PHACTR1: variants seen among roughly 807,000 people sequenced by gnomAD.
PHACTR1 encodes the protein RPEL repeat containing 1.
A neutral mutation model predicts 69.2 loss-of-function variants in PHACTR1; 16 were observed. That is an observed-to-expected ratio of 0.23 (90% confidence interval 0.16 to 0.35). PHACTR1 has a LOEUF of 0.35. Among genes scored for constraint, PHACTR1 ranks in the 10% least tolerant of loss-of-function variants. PHACTR1 has a pLI of 1.00. For missense variants in PHACTR1, 510 were observed against 734.7 expected (o/e 0.69, Z 3.54); for synonymous variants, 312 against 284.5 (o/e 1.10, Z -0.97).
chr6:13,099,353 T>C (rs1487826974), intron 5 of PHACTR1, among the ~76,000 whole-genome samples: 1 of 152,238 alleles, frequency 6.6e-6, no homozygotes, highest in Non-Finnish European at 1.5e-5. Flanking sequence ...TGTTGAGTCT[T>C]ACACATTCCT....
At chr6:13,218,381 C>T (rs1223136349) in intron 8 of PHACTR1, among the ~76,000 whole-genome samples, 1 of 152,140 alleles carries the variant, frequency 6.6e-6, no homozygotes, top group Non-Finnish European at 1.5e-5. Context: ...AAAGGGAGTG[C>T]CTCTTATAAT....
chr6:12,914,652 C>A (rs1479972592), intron 4 of PHACTR1, among the ~76,000 whole-genome samples: 1 of 152,048 alleles, frequency 6.6e-6, no homozygotes, highest in Non-Finnish European at 1.5e-5. Context: ...TCAATAAGGA[C>A]CACCATCCAC....
intron 12 of PHACTR1, chr6:13,280,155 T>A (rs1352559986): frequency 6.6e-6 from 1 of 152,192 alleles, no homozygotes; most frequent in Non-Finnish European, 1.5e-5. Flanking sequence ...AGTCTTCCTT[T>A]CCACACCCAT....
chr6:13,232,767 G>A (rs1320231387), intron 10 of PHACTR1, among the ~76,000 whole-genome samples: 1 of 151,906 alleles, frequency 6.6e-6, no homozygotes, highest in Admixed American at 6.5e-5. Flanking sequence ...GTTGGGGTGG[G>A]TGGGTGTGGT....
intron 3 of PHACTR1, among the ~76,000 whole-genome samples, chr6:12,737,420 C>T (rs560754093): frequency 1.3e-5 from 2 of 151,436 alleles, no homozygotes; most frequent in South Asian, 4.2e-4. Flanking sequence ...CACACACACA[C>T]GCATGCACAC....
At position 12,959,845 on chromosome 6, in the gene PHACTR1, C is replaced by A. The variant is rs75269390; in HGVS notation, c.251-93520C>A. Among the ~76,000 whole-genome samples the A allele has an allele frequency of 4.6e-5, 7 of 152,334 alleles. No homozygotes were observed. The East Asian group carries it at 1.2e-3, about 25-fold the overall frequency. On this transcript the variant is annotated intron_variant, in intron 4 of 14. Coordinates refer to ENST00000332995, the MANE Select transcript of PHACTR1 (RefSeq NM_030948.6). Reference sequence around the variant, plus strand: ...TCCTCTGCATAGATCATGGTGCCCACATTTTCTATATCAAGGACCAGGACT... The same window carrying A: ...TCCTCTGCATAGATCATGGTGCCCAAATTTTCTATATCAAGGACCAGGACT...
intron 4 of PHACTR1, among the ~76,000 whole-genome samples, chr6:12,891,188 G>A (rs1305598661): frequency 6.6e-6 from 1 of 152,014 alleles, no homozygotes; most frequent in Non-Finnish European, 1.5e-5. Context: ...TTCTTGGGGG[G>A]ATAATATCAC....
rs561841357 is a variant in PHACTR1, at chr6:13,030,936, G to A, written c.251-22429G>A. 4.6e-5 allele frequency among the ~76,000 whole-genome samples: 7 copies of A among 152,270 alleles called. No individual in the cohort carries two copies. In the East Asian group the frequency reaches 1.2e-3, roughly 25 times the overall value. On this transcript the variant is annotated intron_variant, in intron 4 of 14. Coordinates refer to ENST00000332995, the MANE Select transcript of PHACTR1 (RefSeq NM_030948.6). ...ATTCTTTACTATGGAAGACTGTCTGGTGCATTGCAGGATGTTCAGCAGTAT... is the reference window on the plus strand; with the variant it reads ...ATTCTTTACTATGGAAGACTGTCTGATGCATTGCAGGATGTTCAGCAGTAT...
At chr6:13,209,013 C>T (rs1766381228) in intron 8 of PHACTR1, among the ~76,000 whole-genome samples, 2 of 152,106 alleles carry the variant, frequency 1.3e-5, no homozygotes, top group Non-Finnish European at 2.9e-5. Flanking sequence ...ATAGGGTTGT[C>T]CTAACAGACC....
intron 4 of PHACTR1, among the ~76,000 whole-genome samples, chr6:12,790,371 C>G (rs1561884993): frequency 6.6e-6 from 1 of 152,172 alleles, no homozygotes; most frequent in African/African-American, 2.4e-5. Context: ...AGGCTTTTCA[C>G]TTTTGTTCCC....
intron 6 of PHACTR1, among the ~76,000 whole-genome samples, chr6:13,160,708 T>C (rs1426909611): frequency 1.3e-5 from 2 of 152,178 alleles, no homozygotes; most frequent in Admixed American, 6.5e-5. Context: ...TGTTTGTTTG[T>C]TTGTTTGCTT....
At chr6:13,286,325 G>A in intron 14 of PHACTR1, 103 bp downstream of exon 14, 3 of 933,874 alleles carry the variant, frequency 3.2e-6, no homozygotes, top group Non-Finnish European at 4.7e-6. Context: ...GTTGGAGGGT[G>A]CCATGAGAGG....
intron 4 of PHACTR1, among the ~76,000 whole-genome samples, chr6:13,022,325 T>C (rs1453967821): frequency 6.6e-6 from 1 of 152,188 alleles, no homozygotes; most frequent in African/African-American, 2.4e-5. Flanking sequence ...TAAAATGAAT[T>C]TACTTCCATT....
At chr6:12,776,466 G>A (rs1770076561) in intron 4 of PHACTR1, among the ~76,000 whole-genome samples, 1 of 152,170 alleles carries the variant, frequency 6.6e-6, no homozygotes, top group South Asian at 2.1e-4. Flanking sequence ...CTGGTGATCT[G>A]AATGCCACCA....
At position 13,018,677 on chromosome 6, in the gene PHACTR1, A is replaced by G. The variant is rs564563249; in HGVS notation, c.251-34688A>G. Among the ~76,000 whole-genome samples the G allele has an allele frequency of 1.4e-4, 22 of 152,250 alleles. No homozygotes were observed. In the East Asian group the frequency reaches 4.3e-3, roughly 29 times the overall value. On this transcript the variant is annotated intron_variant, in intron 4 of 14. Coordinates refer to ENST00000332995, the MANE Select transcript of PHACTR1 (RefSeq NM_030948.6). ...AACATATATTTCTAACAAGACAAAT[A>G]AGGTAAGGGTCAGACTGAGGACAGA... is the stretch of plus-strand genomic sequence containing the variant.
intron 4 of PHACTR1, among the ~76,000 whole-genome samples, chr6:12,781,412 A>T (rs573187627): frequency 9.2e-5 from 14 of 152,230 alleles, no homozygotes; most frequent in Non-Finnish European, 2.1e-4. Flanking sequence ...GCCATTTTCA[A>T]ATCAGTGCCT....
At chr6:12,943,429 C>T (rs1387523042) in intron 4 of PHACTR1, among the ~76,000 whole-genome samples, 6 of 152,168 alleles carry the variant, frequency 3.9e-5, no homozygotes, top group Admixed American at 1.3e-4. Flanking sequence ...TATAGCACTA[C>T]GTAGTGTCGA....
intron 7 of PHACTR1, among the ~76,000 whole-genome samples, chr6:13,202,444 C>G (rs563075444): frequency 4.6e-4 from 70 of 151,096 alleles, no homozygotes; most frequent in African/African-American, 1.7e-3. Context: ...TCCTTAACAC[C>G]TCAGGACATA....
chr6:12,954,846 A>G (rs535949319), intron 4 of PHACTR1, among the ~76,000 whole-genome samples: 1 of 152,302 alleles, frequency 6.6e-6, no homozygotes, highest in African/African-American at 2.4e-5. Flanking sequence ...GGATAGACAA[A>G]TTTGTTCCCC....
Sources: gnomAD v4.1 joint callset for allele counts (sites outside exome capture counted in the v4.1 genomes callset) on GRCh38, gnomAD v4.1.1 for gene constraint, MANE v1.5 for transcripts, NCBI Gene and HGNC (gene_info 2026-07-23, HGNC 2026-07-21) for gene names.